Variants in VPS13B observed in about 807,000 individuals in gnomAD.
The protein encoded by VPS13B is intermembrane lipid transfer protein VPS13B.
In VPS13B, 285 loss-of-function variants were observed where a neutral mutation model predicts 426.4. The observed-to-expected ratio is 0.67, with a 90% CI of 0.61 to 0.74. The LOEUF is 0.74. VPS13B is among the 30% of genes least tolerant of loss of function. VPS13B has a pLI of 0.00. For missense variants in VPS13B, 4,537 were observed against 4,782.6 expected, an observed-to-expected ratio of 0.95 and a Z score of 1.51; for synonymous variants, 1,676 against 1,676.4, an observed-to-expected ratio of 1.00 and a Z score of 0.01.
intron 23 of VPS13B, among the ~76,000 whole-genome samples, chr8:99,452,734 C>T (rs1194159945): frequency 6.6e-6 from 1 of 152,166 alleles, no homozygotes; most frequent in Non-Finnish European, 1.5e-5. Context: ...GAGGCTCTGT[C>T]TATGCTGAAC....
chr8:99,858,012 G>A (rs774861382), intron 56 of VPS13B, among the ~76,000 whole-genome samples: 13 of 152,272 alleles, frequency 8.5e-5, no homozygotes, highest in Non-Finnish European at 1.5e-4. Context: ...ACCTTGGCGT[G>A]GCTGTTGTAC....
intron 17 of VPS13B, among the ~76,000 whole-genome samples, chr8:99,208,025 G>T (rs1470381291): frequency 6.6e-6 from 1 of 152,120 alleles, no homozygotes; most frequent in African/African-American, 2.4e-5. Context: ...TATTTGTGAG[G>T]GCTGTTTACA....
chr8:99,824,499 A>G (rs964552511), intron 51 of VPS13B, among the ~76,000 whole-genome samples: 46 of 152,330 alleles, frequency 3.0e-4, no homozygotes, highest in African/African-American at 1.0e-3. Context: ...AAATAAATCT[A>G]AGAATTTCAG....
At chr8:99,455,996 A>G (rs72674626) in intron 23 of VPS13B, among the ~76,000 whole-genome samples, 12,262 of 152,152 alleles carry the variant, frequency 0.081, 642 homozygotes, top group African/African-American at 0.15. Flanking sequence ...TTTGGGTTGA[A>G]TGGTAAATTT....
chr8:99,031,004 G>A (rs1842484467), intron 2 of VPS13B, among the ~76,000 whole-genome samples: 1 of 152,162 alleles, frequency 6.6e-6, no homozygotes, highest in Admixed American at 6.5e-5. Context: ...GACGTAGGCT[G>A]TAGGAACTTT....
intron 15 of VPS13B, among the ~76,000 whole-genome samples, chr8:99,164,035 T>A (rs1248939826): frequency 6.6e-6 from 1 of 152,170 alleles, no homozygotes; most frequent in Non-Finnish European, 1.5e-5. Flanking sequence ...TACTTCCTGC[T>A]GGATAGGGGC....
At chr8:99,416,141 C>G (rs867609646) in intron 21 of VPS13B, among the ~76,000 whole-genome samples, 4 of 152,274 alleles carry the variant, frequency 2.6e-5, no homozygotes, top group Middle Eastern at 3.4e-3. Flanking sequence ...GAGAGGTAGT[C>G]TGGCCACAGT....
intron 39 of VPS13B, among the ~76,000 whole-genome samples, chr8:99,754,085 GTT>G (rs34681251): frequency 9.0e-4 from 109 of 121,104 alleles, no homozygotes; most frequent in East Asian, 2.4e-3. Flanking sequence ...TAGTATAAGG[GTT>G]TTTTTTTTTT....
chr8:99,235,405 G>T (rs866926658), intron 17 of VPS13B, among the ~76,000 whole-genome samples: 11 of 152,090 alleles, frequency 7.2e-5, no homozygotes, highest in Admixed American at 2.6e-4. Context: ...TTTGGCTTTT[G>T]CCGCAGCTTA....
intron 35 of VPS13B, chr8:99,697,310 G>A (rs79280503): frequency 0.038 from 21,888 of 572,706 alleles, 489 homozygotes; most frequent in Admixed American, 0.044. Flanking sequence ...AGGATGTCGC[G>A]CCCGAAGGTG....
intron 30 of VPS13B, chr8:99,536,850 T>C (rs770837891): frequency 1.4e-5 from 7 of 495,374 alleles, no homozygotes; most frequent in Admixed American, 8.6e-5. Flanking sequence ...AACTGAGGTA[T>C]AGTACCACTA....
chr8:99,352,560 G>A (rs998682962), intron 19 of VPS13B, among the ~76,000 whole-genome samples: 5 of 152,140 alleles, frequency 3.3e-5, no homozygotes, highest in South Asian at 2.1e-4. Flanking sequence ...CTGGCTGGGC[G>A]CAGTGGCTCA....
intron 39 of VPS13B, among the ~76,000 whole-genome samples, chr8:99,761,836 A>C (rs1810945004): frequency 6.6e-6 from 1 of 152,048 alleles, no homozygotes; most frequent in Admixed American, 6.6e-5. Flanking sequence ...TTTTATTTTT[A>C]GTTAGTATGG....
intron 22 of VPS13B, among the ~76,000 whole-genome samples, chr8:99,436,383 T>C (rs1021268846): frequency 1.6e-4 from 25 of 152,188 alleles, no homozygotes; most frequent in Non-Finnish European, 3.7e-4. Context: ...GTGATTTTCC[T>C]CATTTTTCCT....
intron 2 of VPS13B, among the ~76,000 whole-genome samples, chr8:99,032,746 T>C (rs967960617): frequency 4.0e-5 from 6 of 151,530 alleles, no homozygotes; most frequent in Admixed American, 3.9e-4. Flanking sequence ...TTTACGATGT[T>C]AGCCAGGATG....
At chr8:99,588,246 T>C (rs540872816) in intron 33 of VPS13B, among the ~76,000 whole-genome samples, 7 of 151,880 alleles carry the variant, frequency 4.6e-5, no homozygotes, top group African/African-American at 1.7e-4. Context: ...TGAAGTCAGG[T>C]AGCACGATGC....
intron 2 of VPS13B, among the ~76,000 whole-genome samples, chr8:99,016,586 CTTTTT>C (rs754060289): frequency 1.6e-5 from 1 of 60,730 alleles, no homozygotes; most frequent in African/African-American, 6.8e-5. Context: ...TATAGGAATT[CTTTTT>C]TTTTTTTTTT....
At chr8:99,671,378 A>T (rs917203460) in intron 35 of VPS13B, among the ~76,000 whole-genome samples, 1 of 152,030 alleles carries the variant, frequency 6.6e-6, no homozygotes, top group Non-Finnish European at 1.5e-5. Flanking sequence ...TATATTTTAG[A>T]CATTAACCTC....
At chr8:99,669,223 T>G (rs1005869147) in intron 35 of VPS13B, among the ~76,000 whole-genome samples, 2 of 152,084 alleles carry the variant, frequency 1.3e-5, no homozygotes, top group African/African-American at 4.8e-5. Flanking sequence ...GATCCCATTT[T>G]AAAAGTTTTT....
Sources: allele counts gnomAD v4.1 joint callset (sites outside exome capture counted in the v4.1 genomes callset), GRCh38; gene constraint gnomAD v4.1.1; transcripts MANE v1.5; gene names NCBI Gene and HGNC (gene_info 2026-07-23, HGNC 2026-07-21).